Variants in NXPE2 observed in about 807,000 individuals in gnomAD.
The protein encoded by NXPE2 is neurexophilin and PC-esterase domain family member 2.
NXPE2 carries 34 observed loss-of-function variants against 34.4 expected under a neutral mutation model. The ratio of observed to expected loss-of-function variants is 0.99; its 90% CI spans 0.75 to 1.31. NXPE2 has a LOEUF of 1.31. Among genes scored for constraint, NXPE2 ranks in the 40% most tolerant of loss-of-function variants. The probability of loss-of-function intolerance (pLI) is 0.00; values close to 1 mark genes in which losing one functional copy is unlikely to be tolerated. For missense variants in NXPE2, 649 were observed against 672.5 expected (o/e 0.97, Z 0.39); for synonymous variants, 235 against 231.3 (o/e 1.02, Z -0.15).
At chr11:114,551,290 A>T in the NXPE2 span, 1 of 1,327,626 alleles carries the variant, frequency 7.5e-7, no homozygotes, top group Non-Finnish European at 1.0e-6. Context: ...TATAACTTGT[A>T]ATTTGCCTCC....
chr11:114,546,374 T>C, the NXPE2 span, among the ~76,000 whole-genome samples: 5 of 152,298 alleles, frequency 3.3e-5, no homozygotes, highest in Non-Finnish European at 7.4e-5. Flanking sequence ...TGAGCCCATG[T>C]TTAGCTTAAT....
the NXPE2 span, among the ~76,000 whole-genome samples, chr11:114,623,405 C>T: frequency 6.6e-6 from 1 of 152,038 alleles, no homozygotes; most frequent in East Asian, 1.9e-4. Context: ...CAGTGGGTAC[C>T]ATTGTTACCC....
the NXPE2 span, among the ~76,000 whole-genome samples, chr11:114,801,843 G>T: frequency 1.3e-5 from 2 of 152,292 alleles, no homozygotes; most frequent in African/African-American, 2.4e-5. Context: ...CCCAGGTTAG[G>T]GGGTAGGGGC....
chr11:114,541,523 C>T, the NXPE2 span, among the ~76,000 whole-genome samples: 1 of 152,208 alleles, frequency 6.6e-6, no homozygotes, highest in Non-Finnish European at 1.5e-5. Context: ...ACACGTGACA[C>T]AGCCGTCAGG....
At chr11:114,481,165 C>T in the NXPE2 span, among the ~76,000 whole-genome samples, 7 of 152,136 alleles carry the variant, frequency 4.6e-5, no homozygotes, top group Admixed American at 1.3e-4. Context: ...GTGAAGGTTT[C>T]CCACTTTTGA....
At chr11:114,719,924 T>G in the NXPE2 span, among the ~76,000 whole-genome samples, 1 of 152,216 alleles carries the variant, frequency 6.6e-6, no homozygotes, top group Non-Finnish European at 1.5e-5. Flanking sequence ...CTGTCGTGCT[T>G]CTTTCAAACC....
chr11:114,530,977 T>C, the NXPE2 span: 1 of 1,416,656 alleles, frequency 7.1e-7, no homozygotes, highest in Non-Finnish European at 9.3e-7. Flanking sequence ...ATTATGAGTT[T>C]GAATATTTGT....
At chr11:114,769,466 T>C in the NXPE2 span, among the ~76,000 whole-genome samples, 1 of 152,214 alleles carries the variant, frequency 6.6e-6, no homozygotes, top group Non-Finnish European at 1.5e-5. Context: ...ACTGGGTATA[T>C]ACACAAAGGA....
the NXPE2 span, among the ~76,000 whole-genome samples, chr11:114,653,043 A>G: frequency 2.0e-5 from 3 of 152,224 alleles, no homozygotes; most frequent in Non-Finnish European, 4.4e-5. Context: ...AGAACTCATC[A>G]TTATATATTC....
At chr11:114,615,953 T>A in the NXPE2 span, among the ~76,000 whole-genome samples, 1 of 151,572 alleles carries the variant, frequency 6.6e-6, no homozygotes, top group Non-Finnish European at 1.5e-5. Flanking sequence ...GTAACCACTG[T>A]TACCCATTGG....
At chr11:114,617,464 C>T in the NXPE2 span, among the ~76,000 whole-genome samples, 1 of 151,490 alleles carries the variant, frequency 6.6e-6, no homozygotes, top group Non-Finnish European at 1.5e-5. Flanking sequence ...CCACTGTTAT[C>T]TGCTGGATAT....
At chr11:114,492,118 C>T in the NXPE2 span, among the ~76,000 whole-genome samples, 3 of 151,926 alleles carry the variant, frequency 2.0e-5, no homozygotes, top group African/African-American at 7.3e-5. Context: ...ATGTAACAAA[C>T]CTGCACATTG....
At chr11:114,735,844 TC>T in the NXPE2 span, among the ~76,000 whole-genome samples, 9 of 152,208 alleles carry the variant, frequency 5.9e-5, no homozygotes, top group African/African-American at 1.7e-4. Flanking sequence ...CAGGAGAAAT[TC>T]AGCCAGATAT....
At chr11:114,650,272 G>A in the NXPE2 span, among the ~76,000 whole-genome samples, 12 of 152,154 alleles carry the variant, frequency 7.9e-5, no homozygotes, top group Non-Finnish European at 1.8e-4. Context: ...GAAGAATCCT[G>A]CAAGAATAAA....
At chr11:114,583,363 G>T in the NXPE2 span, 2 of 622,452 alleles carry the variant, frequency 3.2e-6, no homozygotes, top group South Asian at 3.0e-5. Flanking sequence ...GAATCTGCGT[G>T]ACTCATAATT....
the NXPE2 span, among the ~76,000 whole-genome samples, chr11:114,543,150 G>A: frequency 6.6e-6 from 1 of 152,060 alleles, no homozygotes; most frequent in East Asian, 1.9e-4. Context: ...GAGGTCAGGA[G>A]TTTGAGGCCA....
At chr11:114,513,276 T>G in the NXPE2 span, 1 of 476,748 alleles carries the variant, frequency 2.1e-6, no homozygotes, top group African/African-American at 2.0e-5. Context: ...GCACTGGTGG[T>G]TGTGTTCATG....
the NXPE2 span, among the ~76,000 whole-genome samples, chr11:114,747,346 A>G: frequency 1.3e-5 from 2 of 152,190 alleles, no homozygotes; most frequent in African/African-American, 4.8e-5. Context: ...TCACCACAGC[A>G]GGGAAACAGA....
At chr11:114,540,988 A>G in the NXPE2 span, among the ~76,000 whole-genome samples, 6 of 151,428 alleles carry the variant, frequency 4.0e-5, no homozygotes, top group Non-Finnish European at 8.8e-5. Context: ...ATTTCTGAGT[A>G]TGAACTTTGC....
Sources: gnomAD v4.1 joint callset for allele counts (sites outside exome capture counted in the v4.1 genomes callset) on GRCh38, gnomAD v4.1.1 for gene constraint, MANE v1.5 for transcripts, NCBI Gene and HGNC (gene_info 2026-07-23, HGNC 2026-07-21) for gene names.